IGF2BP3: variants seen among roughly 807,000 people sequenced by gnomAD.
IGF2BP3 encodes insulin-like growth factor 2 mRNA-binding protein 3.
In IGF2BP3, 9 loss-of-function variants were observed where a neutral mutation model predicts 73.8. The ratio of observed to expected loss-of-function variants is 0.12; its 90% confidence interval spans 0.07 to 0.21. The LOEUF is 0.21. Ranked by LOEUF, IGF2BP3 falls within the 10% of genes least tolerant of loss-of-function variation. The pLI is 1.00. For synonymous variants in IGF2BP3, 258 were observed against 256.7 expected (o/e 1.01, Z -0.05); for missense variants, 542 against 714.0 (o/e 0.76, Z 2.75).
intron 3 of IGF2BP3, among the ~76,000 whole-genome samples, chr7:23,407,181 TAAAAAAAAAA>T (rs77237856): frequency 8.3e-6 from 1 of 121,178 alleles, no homozygotes; most frequent in South Asian, 2.7e-4. Flanking sequence ...ATGTAGTTAT[TAAAAAAAAAA>T]AAAAAGAAAA....
At chr7:23,313,946 G>A (rs1395982644) in intron 12 of IGF2BP3, among the ~76,000 whole-genome samples, 7 of 152,204 alleles carry the variant, frequency 4.6e-5, no homozygotes, top group Non-Finnish European at 5.9e-5. Flanking sequence ...ACGAATTTTT[G>A]TGGGCAAATG....
In IGF2BP3 at chr7:23,311,451, T is replaced by TC; in HGVS notation, c.*910dup. On this transcript the variant is annotated 3_prime_UTR_variant, in exon 15 of 15. Transcript: ENST00000258729. ...TCCTGAAGCCATTTAAACCAGCCGT[T>TC]CCAAAATCTCCTGCGACCACTTTGT... 6.5e-6 allele frequency: 1 copy of TC among 152,676 alleles called. No individual in the cohort carries two copies. The allele number at this position is 152,676 out of a possible 1,614,324, so 9.5% of individuals were successfully genotyped here.
At chr7:23,349,685 C>T (rs1784912127) in intron 6 of IGF2BP3, among the ~76,000 whole-genome samples, 1 of 152,100 alleles carries the variant, frequency 6.6e-6, no homozygotes, top group Non-Finnish European at 1.5e-5. Context: ...TAATTAAATC[C>T]ACTGGCAGAG....
In IGF2BP3 at chr7:23,317,811, G is replaced by A. The variant is rs184048561; in HGVS notation, c.1321-98C>T. ...ACATTTGCATGTGACTGGCTGAAATGCAGAATTAAAGCCTTCGTGAAGGAA... is the reference window on the plus strand; with the variant it reads ...ACATTTGCATGTGACTGGCTGAAATACAGAATTAAAGCCTTCGTGAAGGAA... On this transcript the variant is annotated intron_variant, in intron 11 of 14. Coordinates refer to ENST00000258729, the MANE Select transcript of IGF2BP3 (RefSeq NM_006547.3). 7.1e-6 allele frequency: 7 copies of A among 981,946 alleles called. 1 individual carries two copies. The Admixed American group carries it at 1.1e-4, about 15-fold the overall frequency. The allele number at this position is 981,946 out of a possible 1,614,324, so 60.8% of individuals were successfully genotyped here. A position where few individuals can be genotyped will look rare whatever the true frequency, so the allele number is the denominator to read the frequency against.
At position 23,418,789 on chromosome 7, in the gene IGF2BP3, T is replaced by A; in HGVS notation, c.272A>T (p.His91Leu). Residue 91 changes from histidine to leucine, a missense_variant, in exon 3 of 15, where the codon CAT (histidine) becomes CTT (leucine). Coordinates refer to ENST00000258729, the MANE Select transcript of IGF2BP3 (RefSeq NM_006547.3). ...RKLQIRNIPP[H>L]LQWEVLDSLL... ...AGAAATTCTTACCTCCCACTGTAAATGAGGCGGGATATTTCGTATCTGAAG... is the reference window on the plus strand; with the variant it reads ...AGAAATTCTTACCTCCCACTGTAAAAGAGGCGGGATATTTCGTATCTGAAG... The A allele has an allele frequency of 6.3e-7, 1 of 1,583,310 alleles. No homozygotes were observed. Among genetic ancestry groups the A allele is most frequent in the Non-Finnish European group, 8.6e-7 (1 of 1,159,310 alleles).
intron 10 of IGF2BP3, among the ~76,000 whole-genome samples, chr7:23,322,255 C>T (rs576812578): frequency 4.6e-4 from 70 of 152,180 alleles, no homozygotes; most frequent in Middle Eastern, 3.4e-3. Flanking sequence ...AACCAAGGCT[C>T]GAGAACTACG....
intron 3 of IGF2BP3, among the ~76,000 whole-genome samples, chr7:23,376,838 C>T (rs538597394): frequency 1.8e-4 from 27 of 152,148 alleles, no homozygotes; most frequent in East Asian, 7.7e-4. Flanking sequence ...GGCAACACAG[C>T]GAAACCTGTC....
intron 6 of IGF2BP3, among the ~76,000 whole-genome samples, chr7:23,348,811 C>T (rs528255203): frequency 1.3e-5 from 2 of 152,206 alleles, no homozygotes; most frequent in South Asian, 2.1e-4. Context: ...GGGAAAGTTC[C>T]GTTTCTAACA....
chr7:23,397,193 G>A (rs1189449723), intron 3 of IGF2BP3, among the ~76,000 whole-genome samples: 2 of 152,208 alleles, frequency 1.3e-5, no homozygotes, highest in East Asian at 1.9e-4. Flanking sequence ...GTTTTTTTGC[G>A]AGTTCAGAGA....
intron 3 of IGF2BP3, chr7:23,396,612 G>C (rs775896369): frequency 5.3e-5 from 8 of 152,126 alleles, no homozygotes; most frequent in Admixed American, 5.2e-4. Context: ...TAATCCAAGC[G>C]TGGTAGGAAT....
intron 10 of IGF2BP3, among the ~76,000 whole-genome samples, chr7:23,327,132 A>G (rs1220360673): frequency 6.6e-6 from 1 of 152,118 alleles, no homozygotes; most frequent in Non-Finnish European, 1.5e-5. Flanking sequence ...TTAGACATGA[A>G]CTACTTGATA....
chr7:23,345,360 G>C (rs1014015482), intron 8 of IGF2BP3, among the ~76,000 whole-genome samples: 8 of 152,218 alleles, frequency 5.3e-5, no homozygotes, highest in African/African-American at 1.9e-4. Context: ...AAAAATGATA[G>C]AGTATAACTT....
intron 5 of IGF2BP3, among the ~76,000 whole-genome samples, chr7:23,357,994 A>G (rs1400565919): frequency 2.6e-5 from 4 of 152,208 alleles, no homozygotes; most frequent in African/African-American, 9.7e-5. Flanking sequence ...ATAACAGGGG[A>G]GCAGAAGCAG....
chr7:23,379,572 G>A (rs1785840169), intron 3 of IGF2BP3, among the ~76,000 whole-genome samples: 1 of 152,300 alleles, frequency 6.6e-6, no homozygotes, highest in South Asian at 2.1e-4. Flanking sequence ...AGAAGTTATG[G>A]TTAGCAGAAG....
chr7:23,375,657 G>C (rs539107896), intron 3 of IGF2BP3, among the ~76,000 whole-genome samples: 2 of 152,132 alleles, frequency 1.3e-5, no homozygotes, highest in African/African-American at 4.8e-5. Flanking sequence ...TAAAATCACA[G>C]AATAAGAAGT....
chr7:23,348,373 T>G (rs1784882290), intron 6 of IGF2BP3, among the ~76,000 whole-genome samples: 1 of 152,352 alleles, frequency 6.6e-6, no homozygotes. Flanking sequence ...AATGTCATTT[T>G]CTTCTAGACT....
At chr7:23,398,550 T>C (rs1347418461) in intron 3 of IGF2BP3, among the ~76,000 whole-genome samples, 1 of 152,238 alleles carries the variant, frequency 6.6e-6, no homozygotes, top group Non-Finnish European at 1.5e-5. Context: ...GTGTTCCTAT[T>C]TCTCCACATC....
chr7:23,437,871 T>G (rs986996688), intron 2 of IGF2BP3, among the ~76,000 whole-genome samples: 2 of 152,180 alleles, frequency 1.3e-5, no homozygotes, highest in Non-Finnish European at 2.9e-5. Context: ...AGACTCCCAT[T>G]TTACAGATTA....
At chr7:23,320,983 A>G (rs1218018103) in intron 10 of IGF2BP3, among the ~76,000 whole-genome samples, 6 of 151,840 alleles carry the variant, frequency 4.0e-5, no homozygotes, top group African/African-American at 1.5e-4. Context: ...AAAACAAAAA[A>G]GAAAAGAAAG....
Sources: allele counts gnomAD v4.1 joint callset (sites outside exome capture counted in the v4.1 genomes callset), GRCh38; gene constraint gnomAD v4.1.1; transcripts MANE v1.5; gene names NCBI Gene and HGNC (gene_info 2026-07-23, HGNC 2026-07-21).